MED12L: variants seen among roughly 807,000 people sequenced by gnomAD.
MED12L encodes the protein mediator complex subunit 12L.
Under a neutral mutation model 281.3 loss-of-function variants are expected in MED12L, and 60 were observed. That is an observed-to-expected ratio of 0.21 (90% CI 0.17 to 0.26). The LOEUF (loss-of-function observed/expected upper bound fraction) is 0.26, where lower values mean the gene tolerates loss of function less well. MED12L is among the 10% of genes least tolerant of loss of function. MED12L has a pLI of 1.00. For synonymous variants in MED12L, 974 were observed against 987.2 expected (o/e 0.99, Z 0.25); for missense variants, 2,146 against 2,680.9 (o/e 0.80, Z 4.41).
chr3:151,265,118 C>T (rs531753994), intron 16 of MED12L, among the ~76,000 whole-genome samples: 3 of 152,198 alleles, frequency 2.0e-5, no homozygotes, highest in Non-Finnish European at 2.9e-5. Flanking sequence ...TGCAGAACCA[C>T]TTGTTATGCT....
At chr3:151,236,315 A>G (rs1444994498) in intron 16 of MED12L, among the ~76,000 whole-genome samples, 2 of 152,246 alleles carry the variant, frequency 1.3e-5, no homozygotes, top group South Asian at 4.1e-4. Context: ...TTGCCACTTC[A>G]ATGTGCATAG....
At chr3:151,323,960 T>A (rs1477074722) in intron 16 of MED12L, among the ~76,000 whole-genome samples, 1 of 152,190 alleles carries the variant, frequency 6.6e-6, no homozygotes, top group Non-Finnish European at 1.5e-5. Flanking sequence ...TCTCTTCCCC[T>A]CTAAGAAGCC....
intron 43 of MED12L, among the ~76,000 whole-genome samples, chr3:151,421,103 G>A (rs541601932): frequency 6.6e-6 from 1 of 152,282 alleles, no homozygotes; most frequent in Admixed American, 6.5e-5. Flanking sequence ...AGTCCACGTT[G>A]CTGAGCCTGT....
chr3:151,249,356 T>G (rs1200435321), intron 16 of MED12L, among the ~76,000 whole-genome samples: 1 of 152,240 alleles, frequency 6.6e-6, no homozygotes, highest in Non-Finnish European at 1.5e-5. Flanking sequence ...TTCAAACTAA[T>G]TCCTTGAAAT....
At position 151,356,057 on chromosome 3, in the gene MED12L, T is replaced by A. The variant is rs1560069659; in HGVS notation, c.2661+18T>A. 2 of 1,597,260 alleles carry A rather than the reference T, an allele frequency of 1.3e-6. No homozygotes were observed. The highest frequency in any genetic ancestry group is 1.7e-6 in the Non-Finnish European group (2 of 1,173,424). On this transcript the variant is annotated intron_variant, in intron 19 of 44. Coordinates refer to ENST00000687756, the MANE Select transcript of MED12L (RefSeq NM_001393769.1). ...CAATACAGGTGTCAAAGAGACCATG[T>A]TTCTCTTACTTTTAGGAAAGCAAAT... is the stretch of plus-strand genomic sequence containing the variant.
chr3:151,192,914 CATT>C (rs965231479), intron 15 of MED12L, among the ~76,000 whole-genome samples: 3 of 152,172 alleles, frequency 2.0e-5, no homozygotes, highest in African/African-American at 7.2e-5. Flanking sequence ...ATCATCATCT[CATT>C]AATGCGTGAA....
chr3:151,425,579 T>TGC, intron 43 of MED12L: 1 of 451,750 alleles, frequency 2.2e-6, no homozygotes, highest in Non-Finnish European at 4.5e-6. Context: ...TGTGTGTGTG[T>TGC]GTGTGTCTGT....
At chr3:151,235,821 G>T (rs1732640434) in intron 16 of MED12L, among the ~76,000 whole-genome samples, 1 of 152,130 alleles carries the variant, frequency 6.6e-6, no homozygotes, top group Non-Finnish European at 1.5e-5. Flanking sequence ...GCTGGTCTCT[G>T]TTAAAATGTC....
At chr3:151,112,568 T>C (rs1489794609) in intron 2 of MED12L, among the ~76,000 whole-genome samples, 2 of 152,220 alleles carry the variant, frequency 1.3e-5, no homozygotes, top group African/African-American at 4.8e-5. Context: ...GAGTCCATTG[T>C]AGTGTGCCTG....
At chr3:151,198,538 G>A (rs748553544) in intron 16 of MED12L, 1 of 1,614,016 alleles carries the variant, frequency 6.2e-7, no homozygotes, top group Non-Finnish European at 8.5e-7. Flanking sequence ...GATAGTACAG[G>A]ATAGGATCAA....
intron 33 of MED12L, 105 bp downstream of exon 33, chr3:151,382,850 G>A: frequency 2.5e-6 from 2 of 792,704 alleles, no homozygotes; most frequent in East Asian, 5.6e-5. Context: ...TACAAGGTGA[G>A]GCCTTCCACT....
At chr3:151,160,205 T>A (rs1719808659) in intron 8 of MED12L, 104 bp downstream of exon 8, 1 of 1,089,950 alleles carries the variant, frequency 9.2e-7, no homozygotes, top group Non-Finnish European at 1.3e-6. Flanking sequence ...ACAACTCTAG[T>A]TTTTTCCTCA....
At chr3:151,276,003 A>C (rs1320977982) in intron 16 of MED12L, among the ~76,000 whole-genome samples, 6 of 152,182 alleles carry the variant, frequency 3.9e-5, no homozygotes, top group Non-Finnish European at 7.3e-5. Context: ...CCTTCTTAGC[A>C]TCCAGTATGA....
intron 43 of MED12L, among the ~76,000 whole-genome samples, chr3:151,418,441 A>C (rs1236953545): frequency 1.3e-5 from 2 of 152,186 alleles, no homozygotes; most frequent in Non-Finnish European, 2.9e-5. Flanking sequence ...GCCTTCATCT[A>C]GACCAACTCC....
intron 16 of MED12L, among the ~76,000 whole-genome samples, chr3:151,219,829 T>C (rs2149259919): frequency 6.6e-6 from 1 of 151,904 alleles, no homozygotes; most frequent in East Asian, 1.9e-4. Context: ...TTGCAGCCTC[T>C]TGTGGGAAAC....
chr3:151,227,385 A>T (rs762215159), intron 16 of MED12L, among the ~76,000 whole-genome samples: 7 of 152,212 alleles, frequency 4.6e-5, no homozygotes, highest in African/African-American at 7.2e-5. Flanking sequence ...TGCTACAAAC[A>T]GATCCAACTC....
At chr3:151,429,521 C>G (rs897750403) in intron 43 of MED12L, among the ~76,000 whole-genome samples, 1 of 152,156 alleles carries the variant, frequency 6.6e-6, no homozygotes. Flanking sequence ...ATTTGAAGAT[C>G]AAGATAAAAA....
chr3:151,176,707 C>G (rs1722096359), intron 11 of MED12L, among the ~76,000 whole-genome samples: 2 of 152,128 alleles, frequency 1.3e-5, no homozygotes, highest in African/African-American at 4.8e-5. Flanking sequence ...TTATTCCTGT[C>G]TCTTCTCATT....
At chr3:151,295,466 T>C (rs1421657698) in intron 16 of MED12L, among the ~76,000 whole-genome samples, 10 of 152,196 alleles carry the variant, frequency 6.6e-5, no homozygotes. Flanking sequence ...TTGCCAGCCT[T>C]TTGAAAATAA....
Sources: allele counts gnomAD v4.1 joint callset (sites outside exome capture counted in the v4.1 genomes callset), GRCh38; gene constraint gnomAD v4.1.1; transcripts MANE v1.5; gene names NCBI Gene and HGNC (gene_info 2026-07-23, HGNC 2026-07-21).